HPS5: variants seen among roughly 807,000 people sequenced by gnomAD.
HPS5 encodes the protein BLOC-2 complex member HPS5.
HPS5 carries 83 observed loss-of-function variants against 128.0 expected under a neutral mutation model. The observed-to-expected ratio is 0.65, with a 90% CI of 0.54 to 0.78. The LOEUF is 0.78. HPS5 is among the 30% of genes least tolerant of loss of function. The probability of loss-of-function intolerance (pLI) is 0.00; values close to 1 mark genes in which losing one functional copy is unlikely to be tolerated. For synonymous variants in HPS5, 475 were observed against 470.2 expected, an observed-to-expected ratio of 1.01 and a Z score of -0.13; for missense variants, 1,281 against 1,326.2, an observed-to-expected ratio of 0.97 and a Z score of 0.53.
intron 22 of HPS5, among the ~76,000 whole-genome samples, chr11:18,280,179 C>A (rs1254482887): frequency 1.3e-5 from 2 of 152,134 alleles, no homozygotes; most frequent in Non-Finnish European, 2.9e-5. Flanking sequence ...GCAACAACAA[C>A]GAAAACACCC....
chr11:18,308,872 G>T, intron 6 of HPS5, 74 bp downstream of exon 6: 1 of 1,425,436 alleles, frequency 7.0e-7, no homozygotes, highest in Non-Finnish European at 9.9e-7. Flanking sequence ...GATGGGGCTT[G>T]GGGTAGATAA....
chr11:18,306,169 G>C lies in HPS5; in HGVS notation c.790C>G (p.Leu264Val). 1 of 1,613,902 alleles carries C rather than the reference G, an allele frequency of 6.2e-7. No individual in the cohort carries two copies. Among genetic ancestry groups the C allele is most frequent in the South Asian group, 1.1e-5 (1 of 91,076 alleles). ...ATCACAGGGAGAGGTGGCAACGAGAGGAGTTTCTTGAACTGATGTGTACTT... is the reference window on the plus strand; with the variant it reads ...ATCACAGGGAGAGGTGGCAACGAGACGAGTTTCTTGAACTGATGTGTACTT... ...VISTHQFKKL[L>V]SLPPLPVITL... The change falls in exon 7 of 23, where the codon CTC becomes GTC. Residue 264 changes from leucine (L) to valine (V), a missense_variant. Leu to Val is a conservative substitution (Grantham distance 32, BLOSUM62 1). Transcript: ENST00000349215.
Position 18,285,467 on chromosome 11 carries a change from A to G in HPS5, c.2838-8T>C. 6.5e-7 allele frequency: 1 copy of G among 1,540,762 alleles called. No homozygotes were observed. The highest frequency in any genetic ancestry group is 1.1e-5 in the South Asian group (1 of 89,540). ...AGCAAGTGTGAATGAGGCCTATGAAATGAAAAGGAATCAGTAAATTAGATA... is the reference window on the plus strand; with the variant it reads ...AGCAAGTGTGAATGAGGCCTATGAAGTGAAAAGGAATCAGTAAATTAGATA... On this transcript the variant is annotated splice_region_variant and splice_polypyrimidine_tract_variant and intron_variant, in intron 19 of 22. Transcript: ENST00000349215.
intron 2 of HPS5, among the ~76,000 whole-genome samples, chr11:18,313,174 C>T (rs1051055485): frequency 6.6e-6 from 1 of 151,578 alleles, no homozygotes; most frequent in Non-Finnish European, 1.5e-5. Context: ...GAAGGAAGTA[C>T]ATAGTTCTTT....
chr11:18,308,944 A>C lies in HPS5; in HGVS notation c.611+2T>G, dbSNP rs779195403. ...CTGATGACTAATGGTTGGTCAATAT[A>C]CCTCTCAGTGTCACACAAGAAGGAT... On this transcript the variant is annotated splice_donor_variant, in intron 6 of 22. Transcript: ENST00000349215. LOFTEE classifies it high-confidence loss of function. The C allele has an allele frequency of 6.2e-7, 1 of 1,614,042 alleles. No homozygotes were observed. Among genetic ancestry groups the C allele is most frequent in the South Asian group, 1.1e-5 (1 of 91,076 alleles).
intron 1 of HPS5, among the ~76,000 whole-genome samples, chr11:18,319,053 AAGAAAAAACCC>A (rs1477517031): frequency 6.6e-6 from 1 of 152,132 alleles, no homozygotes; most frequent in Non-Finnish European, 1.5e-5. Context: ...GAAAAAAAAA[AAGAAAAAACCC>A]AGAAAGAAAC....
chr11:18,281,267 T>G (rs1164480905), intron 22 of HPS5, among the ~76,000 whole-genome samples: 1 of 150,900 alleles, frequency 6.6e-6, no homozygotes, highest in Non-Finnish European at 1.5e-5. Flanking sequence ...TTTTTTTTTT[T>G]TTTTTTAGTA....
intron 2 of HPS5, among the ~76,000 whole-genome samples, chr11:18,314,936 C>G (rs1863442079): frequency 6.6e-6 from 1 of 152,100 alleles, no homozygotes; most frequent in African/African-American, 2.4e-5. Flanking sequence ...CTGAGCTCAA[C>G]CAATCCTCCC....
intron 14 of HPS5, among the ~76,000 whole-genome samples, chr11:18,294,723 T>C (rs1283529183): frequency 6.6e-6 from 1 of 152,056 alleles, no homozygotes; most frequent in Non-Finnish European, 1.5e-5. Context: ...GAAAAGGACA[T>C]AGTCTATGGC....
chr11:18,319,043 GA>G (rs1201841406), intron 1 of HPS5, among the ~76,000 whole-genome samples: 41 of 139,730 alleles, frequency 2.9e-4, no homozygotes, highest in Admixed American at 3.6e-4. Flanking sequence ...GAATGTTCAG[GA>G]AAAAAAAAAA....
intron 3 of HPS5, 170 bp from the exon 4 acceptor site, chr11:18,311,621 C>T: frequency 1.8e-6 from 1 of 549,652 alleles, no homozygotes; most frequent in Non-Finnish European, 3.3e-6. Context: ...AGCGATTCTC[C>T]TGCCTCCGCC....
rs770310089 is a variant in HPS5 at position 18,305,501 on chromosome 11, G to A, written c.825-8C>T. On this transcript the variant is annotated splice_region_variant and splice_polypyrimidine_tract_variant and intron_variant, in intron 7 of 22. Coordinates refer to ENST00000349215, the MANE Select transcript of HPS5 (RefSeq NM_181507.2). ...TCATACTGAGGTTCTGATCTAGAAA[G>A]TAAACACATCTGTTAATGAGTTTAT... 3.8e-6 allele frequency: 6 copies of A among 1,576,454 alleles called. No homozygotes were observed. The highest frequency in any genetic ancestry group is 2.2e-5 in the South Asian group (2 of 90,186).
At chr11:18,304,100 G>A (rs1036010558) in intron 8 of HPS5, among the ~76,000 whole-genome samples, 3 of 152,104 alleles carry the variant, frequency 2.0e-5, no homozygotes, top group Non-Finnish European at 2.9e-5. Flanking sequence ...AATGCTAAAG[G>A]AGGAAGAGTT....
chr11:18,305,789 G>A (rs1349358764), intron 7 of HPS5, among the ~76,000 whole-genome samples: 3 of 147,218 alleles, frequency 2.0e-5, no homozygotes, highest in Non-Finnish European at 4.4e-5. Context: ...CTGGAGTGCA[G>A]TGGCACAATC....
In HPS5 at chr11:18,293,176, C is replaced by CT. The variant is rs542635233; in HGVS notation, c.1785-201dup. The stretch of plus-strand genomic sequence containing the variant: ...TTTCTTAGACAAATATTTCTTTTTT[C>CT]TTTTTTTTTTGAGACAGAGTCACGC... On this transcript the variant is annotated intron_variant, in intron 14 of 22. Transcript: ENST00000349215. Among the ~76,000 whole-genome samples, 292 of 148,558 alleles carry CT rather than the reference C, an allele frequency of 2.0e-3. 2 individuals carry two copies. Among genetic ancestry groups the CT allele is most frequent in the African/African-American group, 6.0e-3 (244 of 40,648 alleles).
At position 18,310,743 on chromosome 11, in the gene HPS5, T is replaced by C. The variant is rs1393855394; in HGVS notation, c.475A>G (p.Lys159Glu). 1.9e-6 allele frequency: 3 copies of C among 1,611,772 alleles called. No individual in the cohort carries two copies. The highest frequency in any genetic ancestry group is 2.2e-5 in the East Asian group (1 of 44,870). The change falls in exon 5 of 23, where the codon AAG becomes GAG. Residue 159 changes from lysine (K) to glutamate (E), a missense_variant and splice_region_variant. By Grantham distance (56) the Lys-to-Glu change is moderately conservative. Transcript: ENST00000349215. ...AIKLNTSKQA[K>E]AAAAFVMFPV... ...CAAAGAATGGGACTGCTTCTCACCT[T>C]TGCTTGTTTAGAAGTATTGAGTTTG...
At chr11:18,317,965 T>G in intron 1 of HPS5, 58 bp from the exon 2 acceptor site, 1 of 1,256,800 alleles carries the variant, frequency 8.0e-7, no homozygotes, top group Non-Finnish European at 1.1e-6. Context: ...TAACATGCAT[T>G]TAACAAATAT....
intron 8 of HPS5, among the ~76,000 whole-genome samples, chr11:18,303,095 A>G (rs957482629): frequency 2.0e-5 from 3 of 152,230 alleles, no homozygotes; most frequent in African/African-American, 7.2e-5. Context: ...AACAAAGTAC[A>G]TAAGGATGCC....
intron 10 of HPS5, among the ~76,000 whole-genome samples, chr11:18,298,265 G>A (rs1861316184): frequency 1.3e-5 from 2 of 151,866 alleles, no homozygotes; most frequent in African/African-American, 2.4e-5. Flanking sequence ...GCCAAAGTGG[G>A]CGGATCACTT....
Sources: gnomAD v4.1 joint callset for allele counts (sites outside exome capture counted in the v4.1 genomes callset) on GRCh38, gnomAD v4.1.1 for gene constraint, MANE v1.5 for transcripts, NCBI Gene and HGNC (gene_info 2026-07-23, HGNC 2026-07-21) for gene names.